Variants in DYNC1H1 observed in about 807,000 individuals in gnomAD.
The protein encoded by DYNC1H1 is dynein cytoplasmic 1 heavy chain 1.
Under a neutral mutation model 527.1 loss-of-function variants are expected in DYNC1H1, and 51 were observed. The ratio of observed to expected loss-of-function variants is 0.10; its 90% CI spans 0.08 to 0.12. DYNC1H1 has a LOEUF of 0.12. DYNC1H1 is among the 10% of genes least tolerant of loss of function. The pLI is 1.00. For missense variants in DYNC1H1, 2,771 were observed against 5,971.8 expected (o/e 0.46, Z 17.66); for synonymous variants, 2,189 against 2,278.8 (o/e 0.96, Z 1.12).
chr14:101,975,602 G>T (rs887149097), intron 1 of DYNC1H1, 110 bp from the exon 2 acceptor site: 12 of 968,894 alleles, frequency 1.2e-5, no homozygotes, highest in Admixed American at 3.9e-5. Context: ...TCATGTAGGT[G>T]TCGATATGTC....
In DYNC1H1 at chr14:102,027,654, C is replaced by T; in HGVS notation, c.9084C>T (p.Thr3028=). ...PGLFEGDEYA[T]LMTQCKEGAQ... ...TCTTTGAAGGAGACGAGTATGCCAC[C>T]TTGATGACGCAGTGCAAAGAGGGGG... Residue 3028 remains threonine, a synonymous_variant, in exon 47 of 78, where the codon ACC becomes ACT. Transcript: ENST00000360184. The surrounding 1 kb of genome is among the most constrained non-coding windows in gnomAD (Gnocchi z 7.7). 1 of 1,614,130 alleles carries T rather than the reference C, an allele frequency of 6.2e-7. No homozygotes were observed. The highest frequency in any genetic ancestry group is 2.2e-5 in the East Asian group (1 of 44,872).
Position 102,036,320 on chromosome 14 carries a change from AT to A in DYNC1H1, c.10755-167del. On this transcript the variant is annotated intron_variant, in intron 56 of 77. Transcript: ENST00000360184. This position sits in a 1 kb window ranked among gnomAD's most constrained non-coding sequence, Gnocchi z 5.6. ...TTCAAAAGGATGAGGTGATGTTAGC[AT>A]TAAGCATGTAAGCTTTATTGGTAAA... 1.3e-6 allele frequency: 1 copy of A among 764,658 alleles called. No homozygotes were observed. Among genetic ancestry groups the A allele is most frequent in the South Asian group, 1.6e-5 (1 of 64,478 alleles). 47.4% of individuals were successfully genotyped at this position (764,658 alleles called of 1,614,324 possible). A position where few individuals can be genotyped will look rare whatever the true frequency, so the allele number is the denominator to read the frequency against.
Position 102,042,826 on chromosome 14 carries a change from C to T in DYNC1H1, c.12513+78C>T, listed in dbSNP as rs1021984741. The T allele has an allele frequency of 2.0e-6, 3 of 1,521,632 alleles. No homozygotes were observed. The African/African-American group carries it at 4.1e-5, about 21-fold the overall frequency. 94.3% of individuals were successfully genotyped at this position (1,521,632 alleles called of 1,614,324 possible). A position where few individuals can be genotyped will look rare whatever the true frequency, so the allele number is the denominator to read the frequency against. Reference sequence around the variant, plus strand: ...CCCATCACCAAATGCAGAAGTGGGTCCCTGGGCCCCCGGAAGTGCCGTGTG... The same window carrying T: ...CCCATCACCAAATGCAGAAGTGGGTTCCTGGGCCCCCGGAAGTGCCGTGTG... On this transcript the variant is annotated intron_variant, in intron 69 of 77. Transcript: ENST00000360184. The surrounding 1 kb of genome is among the most constrained non-coding windows in gnomAD (Gnocchi z 5.7).
chr14:102,013,533 TGAG>T (rs1217004532), intron 34 of DYNC1H1, among the ~76,000 whole-genome samples: 2 of 151,810 alleles, frequency 1.3e-5, no homozygotes. Flanking sequence ...CCGGTGTACT[TGAG>T]GACAGCAAGG....
In DYNC1H1 at chr14:101,979,373, T is replaced by C. The variant is rs2047837466; in HGVS notation, c.399T>C (p.Ser133=). The C allele has an allele frequency of 6.2e-7, 1 of 1,614,216 alleles. No homozygotes were observed. The highest frequency in any genetic ancestry group is 1.6e-4 in the Middle Eastern group (1 of 6,062). Residue 133 remains serine, a synonymous_variant, in exon 3 of 78, where the codon TCT becomes TCC. Transcript: ENST00000360184. The surrounding 1 kb of genome is among the most constrained non-coding windows in gnomAD (Gnocchi z 4.6). ...TTGATGCAGATAAACCCGTGTCTTC[T>C]CAGCTCCGGGTCCTTACACTCAGTG... The part of the protein sequence containing the change: ...PVIDADKPVS[S]QLRVLTLSED...
In DYNC1H1 at chr14:101,980,441, G is replaced by A. The variant is rs199534174; in HGVS notation, c.852G>A (p.Ala284=). 10 of 1,614,190 alleles carry A rather than the reference G, an allele frequency of 6.2e-6. No individual in the cohort carries two copies. Among genetic ancestry groups the A allele is most frequent in the East Asian group, 4.5e-5 (2 of 44,882 alleles). ...EISFWLNLER[A]LYRIQEKRES... is the part of the protein sequence containing the mutation. ...GTTTTTGGCTAAACTTGGAACGTGC[G>A]TTATACCGCATCCAGGAGAAACGGG... Residue 284 remains alanine, a synonymous_variant, in exon 5 of 78, where the codon GCG becomes GCA. Coordinates refer to ENST00000360184, the MANE Select transcript of DYNC1H1 (RefSeq NM_001376.5).
In DYNC1H1 at chr14:102,010,154, A is replaced by C; in HGVS notation, c.6221+68A>C. 6.2e-7 allele frequency: 1 copy of C among 1,612,642 alleles called. No individual in the cohort carries two copies. Among genetic ancestry groups the C allele is most frequent in the Non-Finnish European group, 8.5e-7 (1 of 1,179,598 alleles). On this transcript the variant is annotated intron_variant, in intron 30 of 77. Coordinates refer to ENST00000360184, the MANE Select transcript of DYNC1H1 (RefSeq NM_001376.5). This position sits in a 1 kb window ranked among gnomAD's most constrained non-coding sequence, Gnocchi z 6.0. ...GTTAAATGTGTCCATTTAACCTTAA[A>C]ATTTTTATATGTAATGATGGTACGT...
rs2048244008 is a variant in DYNC1H1, at chr14:102,010,336, G to A, written c.6282G>A (p.Lys2094=). The part of the protein sequence containing the change: ...SHYDFGLRAL[K]SVLVSAGNVK... ...ATGACTTCGGTCTTCGGGCTTTGAA[G>A]AGTGTGCTGGTGAGTGCAGGCAATG... Residue 2094 remains lysine (K), a synonymous_variant, in exon 31 of 78, where the codon AAG becomes AAA. Transcript: ENST00000360184. The surrounding 1 kb of genome is among the most constrained non-coding windows in gnomAD (Gnocchi z 6.0). The A allele has an allele frequency of 6.2e-7, 1 of 1,614,114 alleles. No homozygotes were observed. The highest frequency in any genetic ancestry group is 1.3e-5 in the African/African-American group (1 of 75,026).
rs763139389 is a variant in DYNC1H1, at chr14:102,029,565, C to T, written c.9495C>T (p.Gly3165=). 63 of 1,614,056 alleles carry T rather than the reference C, an allele frequency of 3.9e-5. No individual in the cohort carries two copies. In the Middle Eastern group the frequency reaches 8.2e-4, roughly 21 times the overall value. The change falls in exon 49 of 78, where the codon GGC becomes GGT. Residue 3165 remains glycine, a synonymous_variant. Coordinates refer to ENST00000360184, the MANE Select transcript of DYNC1H1 (RefSeq NM_001376.5). This position sits in a 1 kb window ranked among gnomAD's most constrained non-coding sequence, Gnocchi z 5.3. The stretch of plus-strand genomic sequence containing the variant: ...CGAATGCTCGGCTAGCAAAGCGAGG[C>T]GGCAGAACGATGGCCATCACCCCTC... ...HQANARLAKR[G]GRTMAITPRH... is the part of the protein sequence containing the mutation.
Position 102,036,177 on chromosome 14 carries a change from G to C in DYNC1H1, c.10755-312G>C. 2.8e-6 allele frequency: 1 copy of C among 361,826 alleles called. No individual in the cohort carries two copies. The highest frequency in any genetic ancestry group is 5.3e-6 in the Non-Finnish European group (1 of 187,422). 22.4% of individuals were successfully genotyped at this position (361,826 alleles called of 1,614,324 possible). A position where few individuals can be genotyped will look rare whatever the true frequency, so the allele number is the denominator to read the frequency against. Reference sequence around the variant, plus strand: ...TGCTGTCTAGAAGGATCGTAAACATGAAAAAGCTATTCTAACAGTGCAGGA... The same window carrying C: ...TGCTGTCTAGAAGGATCGTAAACATCAAAAAGCTATTCTAACAGTGCAGGA... On this transcript the variant is annotated intron_variant, in intron 56 of 77. Coordinates refer to ENST00000360184, the MANE Select transcript of DYNC1H1 (RefSeq NM_001376.5). The surrounding 1 kb of genome is among the most constrained non-coding windows in gnomAD (Gnocchi z 5.6).
rs760760333 is a variant in DYNC1H1 at position 101,991,687 on chromosome 14, GA to G, written c.3015+15del. 4.3e-6 allele frequency: 7 copies of G among 1,614,090 alleles called. No individual in the cohort carries two copies. The East Asian group carries it at 1.6e-4, about 36-fold the overall frequency. ...CAGAGGTACCAGGTAAGCCTTTGGT[GA>G]CTCGAGGCACACGCCTCTGACCAGG... On this transcript the variant is annotated intron_variant, in intron 11 of 77. Coordinates refer to ENST00000360184, the MANE Select transcript of DYNC1H1 (RefSeq NM_001376.5).
At chr14:101,995,128 G>A in intron 14 of DYNC1H1, 32 bp downstream of exon 14, 1 of 1,614,106 alleles carries the variant, frequency 6.2e-7, no homozygotes, top group Non-Finnish European at 8.5e-7. Flanking sequence ...TCTGTAACCG[G>A]TCTACTGGTG....
rs761145854 is a variant in DYNC1H1 at position 102,015,912 on chromosome 14, C to G, written c.7299C>G (p.Val2433=). ...CGTACTTCACGTCCAACGGCCTGGTCACCAAGGCGCTAGAGCACGCCTTCC... is the reference window on the plus strand; with the variant it reads ...CGTACTTCACGTCCAACGGCCTGGTGACCAAGGCGCTAGAGCACGCCTTCC... ...MQPYFTSNGL[V]TKALEHAFQL... The change falls in exon 36 of 78, where the codon GTC becomes GTG. Residue 2433 remains valine, a synonymous_variant. Transcript: ENST00000360184. This position sits in a 1 kb window ranked among gnomAD's most constrained non-coding sequence, Gnocchi z 6.9. The G allele has an allele frequency of 1.2e-6, 2 of 1,614,236 alleles. No individual in the cohort carries two copies. The highest frequency in any genetic ancestry group is 4.5e-5 in the East Asian group (2 of 44,888).
chr14:102,048,933 G>A (rs1462282014), intron 74 of DYNC1H1: 1 of 511,568 alleles, frequency 2.0e-6, no homozygotes, highest in Non-Finnish European at 3.5e-6. Context: ...GGTCTTCCAA[G>A]ACGACAGTGA....
chr14:102,009,698 G>A (rs2048236917), intron 29 of DYNC1H1, 145 bp from the exon 30 acceptor site: 5 of 1,308,224 alleles, frequency 3.8e-6, no homozygotes, highest in African/African-American at 3.0e-5. Context: ...CCCGAAGAAA[G>A]GCCAAAGAGC....
At position 101,986,049 on chromosome 14, in the gene DYNC1H1, G is replaced by C. The variant is rs968313848; in HGVS notation, c.1824G>C (p.Leu608=). 1.9e-6 allele frequency: 3 copies of C among 1,614,238 alleles called. No homozygotes were observed. The highest frequency in any genetic ancestry group is 1.7e-6 in the Non-Finnish European group (2 of 1,180,044). The change falls in exon 8 of 78, where the codon CTG becomes CTC. Residue 608 remains leucine (L), a synonymous_variant. Coordinates refer to ENST00000360184, the MANE Select transcript of DYNC1H1 (RefSeq NM_001376.5). The surrounding 1 kb of genome is among the most constrained non-coding windows in gnomAD (Gnocchi z 8.7). ...CCATTCGCGAATACCAGACCCAGCTGATCCAGCGCGTGAAAGATGACATTG... is the reference window on the plus strand; with the variant it reads ...CCATTCGCGAATACCAGACCCAGCTCATCCAGCGCGTGAAAGATGACATTG... ...RGAIREYQTQ[L]IQRVKDDIES...
chr14:102,007,214 C>T (rs189122895), intron 28 of DYNC1H1, 106 bp downstream of exon 28: 23 of 1,267,548 alleles, frequency 1.8e-5, no homozygotes, highest in African/African-American at 1.5e-5. Flanking sequence ...TACAGCTCAG[C>T]GTGGTTTATA....
intron 73 of DYNC1H1, chr14:102,048,241 G>T: frequency 1.4e-6 from 1 of 735,556 alleles, no homozygotes; most frequent in Non-Finnish European, 2.2e-6. Context: ...AGAAGATTGT[G>T]AGATAGGCAG....
chr14:101,984,045 G>A (rs1239825083), intron 7 of DYNC1H1, among the ~76,000 whole-genome samples: 1 of 152,104 alleles, frequency 6.6e-6, no homozygotes, highest in Non-Finnish European at 1.5e-5. Flanking sequence ...TTGGCTCACT[G>A]CAGCCTTCGC....
Sources: gnomAD v4.1 joint callset for allele counts (sites outside exome capture counted in the v4.1 genomes callset) on GRCh38, gnomAD v4.1.1 for gene constraint, Gnocchi (gnomAD v3.1) non-coding constraint, MANE v1.5 for transcripts, NCBI Gene and HGNC (gene_info 2026-07-23, HGNC 2026-07-21) for gene names.